The following RAP1GAP2 variants were observed in gnomAD, a reference collection of about 807,000 sequenced individuals.
RAP1GAP2 encodes the protein RAP1 GTPase activating protein 2.
In RAP1GAP2, 27 loss-of-function variants were observed where a neutral mutation model predicts 95.0. The ratio of observed to expected loss-of-function variants is 0.28; its 90% confidence interval spans 0.21 to 0.39. RAP1GAP2 has a LOEUF of 0.39. RAP1GAP2 is among the 10% of genes least tolerant of loss of function. The pLI, the probability that RAP1GAP2 is intolerant of heterozygous loss-of-function variation, is 1.00. For missense variants in RAP1GAP2, 771 were observed against 970.0 expected (o/e 0.79, Z 2.72); for synonymous variants, 373 against 380.9 (o/e 0.98, Z 0.24).
Position 3,027,475 on chromosome 17 carries a change from G to A in RAP1GAP2, c.2107+405G>A, listed in dbSNP as rs1316894363. Among the ~76,000 whole-genome samples, 1 of 152,138 alleles carries A rather than the reference G, an allele frequency of 6.6e-6. No homozygotes were observed. Among genetic ancestry groups the A allele is most frequent in the Non-Finnish European group, 1.5e-5 (1 of 68,016 alleles). Reference sequence around the variant, plus strand: ...GGGGTCTTGATAATACAAGACGGGGGAAGGGCTGCAGGGGGAGGGAACAGC... The same window carrying A: ...GGGGTCTTGATAATACAAGACGGGGAAAGGGCTGCAGGGGGAGGGAACAGC... On this transcript the variant is annotated intron_variant, in intron 22 of 24. Transcript: ENST00000254695. The surrounding 1 kb of genome is among the most constrained non-coding windows in gnomAD (Gnocchi z 5.2).
rs544810591 is a variant in RAP1GAP2, at chr17:2,881,115, G to T, written c.81-24169G>T. Among the ~76,000 whole-genome samples the T allele has an allele frequency of 3.9e-5, 6 of 152,206 alleles. No homozygotes were observed. In the South Asian group the frequency reaches 1.2e-3, roughly 32 times the overall value. ...ATCTCTACTAAAAATGCAAAAATTA[G>T]CTGGGCATGGTGGTGCACGCCTGTA... On this transcript the variant is annotated intron_variant, in intron 2 of 24. Coordinates refer to ENST00000254695, the MANE Select transcript of RAP1GAP2 (RefSeq NM_015085.5).
chr17:2,912,451 C>T (rs548800844), intron 3 of RAP1GAP2, among the ~76,000 whole-genome samples: 5 of 152,276 alleles, frequency 3.3e-5, no homozygotes, highest in East Asian at 1.9e-4. Flanking sequence ...GTCAGCCCCC[C>T]ATACATCCAC....
At position 2,906,967 on chromosome 17, in the gene RAP1GAP2, C is replaced by T. The variant is rs185893551; in HGVS notation, c.165+1599C>T. Among the ~76,000 whole-genome samples the T allele has an allele frequency of 5.6e-4, 86 of 152,222 alleles. 3 individuals carry two copies. The Middle Eastern group carries it at 0.014, about 24-fold the overall frequency. On this transcript the variant is annotated intron_variant, in intron 3 of 24. Transcript: ENST00000254695. The surrounding 1 kb of genome is among the most constrained non-coding windows in gnomAD (Gnocchi z 4.3). Reference sequence around the variant, plus strand: ...CATAGACGGCAGGCATGACTGCATCCGCAAGATCAGTCTCATTCTTTCTCT... The same window carrying T: ...CATAGACGGCAGGCATGACTGCATCTGCAAGATCAGTCTCATTCTTTCTCT...
intron 2 of RAP1GAP2, among the ~76,000 whole-genome samples, chr17:2,893,766 G>C (rs2073797064): frequency 6.6e-6 from 1 of 152,240 alleles, no homozygotes. Context: ...GCCCGGGAGG[G>C]GAACTGCTCT....
chr17:2,844,006 T>TTTTTTA lies in RAP1GAP2; in HGVS notation c.80+43472_80+43477dup, dbSNP rs912417333. Among the ~76,000 whole-genome samples the TTTTTTA allele has an allele frequency of 9.9e-5, 15 of 151,916 alleles. No individual in the cohort carries two copies. In the South Asian group the frequency reaches 1.0e-3, roughly 11 times the overall value. On this transcript the variant is annotated intron_variant, in intron 2 of 24. Transcript: ENST00000254695. ...TAAAAGGAAGATGGCCGGCGCGCTT[T>TTTTTTA]TTTTTATTTTTATTTTTATTTATTT... is the stretch of plus-strand genomic sequence containing the variant.
intron 13 of RAP1GAP2, 67 bp downstream of exon 13, chr17:2,995,533 C>A: frequency 6.3e-7 from 1 of 1,594,756 alleles, no homozygotes. Flanking sequence ...TCTGGTCTGA[C>A]CTGCTAAGAG....
intron 2 of RAP1GAP2, among the ~76,000 whole-genome samples, chr17:2,888,738 G>A (rs1373743705): frequency 6.9e-6 from 1 of 145,650 alleles, no homozygotes; most frequent in African/African-American, 2.5e-5. Flanking sequence ...TGCAACCTCC[G>A]CCTCCCGGGT....
At chr17:2,864,322 C>T (rs1213056571) in intron 2 of RAP1GAP2, among the ~76,000 whole-genome samples, 1 of 152,234 alleles carries the variant, frequency 6.6e-6, no homozygotes, top group African/African-American at 2.4e-5. Context: ...GCTGGAGCGT[C>T]CATGCCTGAT....
At chr17:2,927,359 T>C (rs868322395) in intron 3 of RAP1GAP2, among the ~76,000 whole-genome samples, 62 of 151,976 alleles carry the variant, frequency 4.1e-4, no homozygotes, top group Middle Eastern at 6.8e-3. Flanking sequence ...TTCACCGTGT[T>C]AGCCAGGATG....
Position 2,870,565 on chromosome 17 carries a change from A to T in RAP1GAP2, c.81-34719A>T, listed in dbSNP as rs1417736066. ...GAGACTGTAGAGATATTAACGTTTA[A>T]TATTTTTTTTGTGGTCTTTTTTTTC... On this transcript the variant is annotated intron_variant, in intron 2 of 24. Transcript: ENST00000254695. This position sits in a 1 kb window ranked among gnomAD's most constrained non-coding sequence, Gnocchi z 4.4. Among the ~76,000 whole-genome samples the T allele has an allele frequency of 6.6e-6, 1 of 152,232 alleles. No homozygotes were observed. Among genetic ancestry groups the T allele is most frequent in the Non-Finnish European group, 1.5e-5 (1 of 68,050 alleles).
chr17:3,037,232 G>C lies in RAP1GAP2; in HGVS notation c.*3871G>C, dbSNP rs2047488699. ...GCCAAGGGCAGCAGAGCCCTGCCGA[G>C]TGAGAGGCTGTGGGGCAGCGGCTCT... On this transcript the variant is annotated 3_prime_UTR_variant, in exon 25 of 25. Transcript: ENST00000254695. 6.5e-6 allele frequency: 1 copy of C among 152,698 alleles called. No homozygotes were observed. Among genetic ancestry groups the C allele is most frequent in the African/African-American group, 2.4e-5 (1 of 41,456 alleles). The allele number at this position is 152,698 out of a possible 1,614,324, so 9.5% of individuals were successfully genotyped here.
chr17:2,949,046 C>T (rs1323151920), intron 3 of RAP1GAP2, among the ~76,000 whole-genome samples: 2 of 152,218 alleles, frequency 1.3e-5, no homozygotes, highest in African/African-American at 4.8e-5. Flanking sequence ...AAAGACTTCT[C>T]TGCCTTTCTG....
At position 2,797,599 on chromosome 17, in the gene RAP1GAP2, T is replaced by C; in HGVS notation, c.44+1028T>C. 2 of 717,656 alleles carry C rather than the reference T, an allele frequency of 2.8e-6. No homozygotes were observed. Among genetic ancestry groups the C allele is most frequent in the Non-Finnish European group, 3.4e-6 (2 of 585,692 alleles). The allele number at this position is 717,656 out of a possible 1,614,324, so 44.5% of individuals were successfully genotyped here. A position where few individuals can be genotyped will look rare whatever the true frequency, so the allele number is the denominator to read the frequency against. ...CTCGGTAATTTTTCGCTTCCGTGTG[T>C]GTGGCTTATTTCCCTCTTCCTCCTC... On this transcript the variant is annotated intron_variant, in intron 1 of 24. Coordinates refer to ENST00000254695, the MANE Select transcript of RAP1GAP2 (RefSeq NM_015085.5). The surrounding 1 kb of genome is among the most constrained non-coding windows in gnomAD (Gnocchi z 5.6).
chr17:2,914,409 C>T (rs1380598675), intron 3 of RAP1GAP2, among the ~76,000 whole-genome samples: 1 of 152,134 alleles, frequency 6.6e-6, no homozygotes, highest in African/African-American at 2.4e-5. Flanking sequence ...TCTTATAGTT[C>T]TTTTTTCCCT....
At chr17:2,918,690 A>G (rs2042653783) in intron 3 of RAP1GAP2, among the ~76,000 whole-genome samples, 2 of 151,944 alleles carry the variant, frequency 1.3e-5, no homozygotes, top group African/African-American at 4.8e-5. Flanking sequence ...CAGGGAGGGG[A>G]TGGTGGTAAA....
At chr17:2,992,381 C>T (rs911831789) in intron 12 of RAP1GAP2, among the ~76,000 whole-genome samples, 7 of 151,756 alleles carry the variant, frequency 4.6e-5, no homozygotes, top group Non-Finnish European at 8.8e-5. Context: ...AGGATGGTCT[C>T]GATCTCCTGA....
At chr17:2,764,576 C>A (rs1000686401) in intron 1 of RAP1GAP2, among the ~76,000 whole-genome samples, 2 of 151,812 alleles carry the variant, frequency 1.3e-5, no homozygotes, top group Non-Finnish European at 2.9e-5. Context: ...CAAAAATTAG[C>A]TGGGTGTGGT....
At chr17:2,841,414 C>G (rs1272602687) in intron 2 of RAP1GAP2, among the ~76,000 whole-genome samples, 1 of 150,744 alleles carries the variant, frequency 6.6e-6, no homozygotes, top group Non-Finnish European at 1.5e-5. Flanking sequence ...CGCCATTCTC[C>G]TGCCTCAGCC....
At chr17:3,007,650 C>A (rs562812251) in intron 16 of RAP1GAP2, among the ~76,000 whole-genome samples, 2 of 152,124 alleles carry the variant, frequency 1.3e-5, no homozygotes, top group Non-Finnish European at 2.9e-5. Context: ...TGGCTCTGGA[C>A]GAACATCTGG....
Sources: gnomAD v4.1 joint callset for allele counts (sites outside exome capture counted in the v4.1 genomes callset) on GRCh38, gnomAD v4.1.1 for gene constraint, Gnocchi (gnomAD v3.1) non-coding constraint, MANE v1.5 for transcripts, NCBI Gene and HGNC (gene_info 2026-07-23, HGNC 2026-07-21) for gene names.